The following TSHZ2 variants were observed in gnomAD, a reference collection of about 807,000 sequenced individuals.
The protein encoded by TSHZ2 is teashirt homolog 2.
Under a neutral mutation model 74.4 loss-of-function variants are expected in TSHZ2, and 21 were observed. That is an observed-to-expected ratio of 0.28 (90% CI 0.20 to 0.41). The LOEUF (loss-of-function observed/expected upper bound fraction) is 0.41, where lower values mean the gene tolerates loss of function less well. Among genes scored for constraint, TSHZ2 ranks in the 10% least tolerant of loss-of-function variants. The pLI is 1.00. For synonymous variants in TSHZ2, 540 were observed against 515.3 expected (o/e 1.05, Z -0.65); for missense variants, 1,244 against 1,293.5 (o/e 0.96, Z 0.59).
chr20:53,094,276 G>A (rs577249660), intron 1 of TSHZ2, among the ~76,000 whole-genome samples: 30 of 152,180 alleles, frequency 2.0e-4, no homozygotes, highest in Admixed American at 1.7e-3. Flanking sequence ...TGTTTGATAC[G>A]CTAGTTATGT....
intron 2 of TSHZ2, among the ~76,000 whole-genome samples, chr20:53,353,394 A>G (rs1980730714): frequency 6.6e-6 from 1 of 152,242 alleles, no homozygotes; most frequent in Non-Finnish European, 1.5e-5. Flanking sequence ...CATACATGTC[A>G]TAGAATTATT....
rs1201046549 is a variant in TSHZ2, at chr20:53,378,772, C to T, written c.*9-108372C>T. ...TTTAAAAAAAAACTGCCACATGGAA[C>T]CTGTTACCTTACAGATGTTGCTTAG... On this transcript the variant is annotated intron_variant, in intron 2 of 2. Coordinates refer to ENST00000371497, the MANE Select transcript of TSHZ2 (RefSeq NM_173485.6). 2.6e-5 allele frequency among the ~76,000 whole-genome samples: 4 copies of T among 152,048 alleles called. No homozygotes were observed. The East Asian group carries it at 7.7e-4, about 29-fold the overall frequency.
At chr20:53,237,290 A>G (rs755771396) in intron 1 of TSHZ2, among the ~76,000 whole-genome samples, 1 of 152,188 alleles carries the variant, frequency 6.6e-6, no homozygotes, top group Non-Finnish European at 1.5e-5. Context: ...ACTTAAACAG[A>G]ACAGTTTTTT....
At chr20:52,991,768 T>A (rs1477519962) in intron 1 of TSHZ2, among the ~76,000 whole-genome samples, 1 of 148,294 alleles carries the variant, frequency 6.7e-6, no homozygotes, top group Non-Finnish European at 1.5e-5. Context: ...TGATTTTGTG[T>A]GGATTATGTA....
chr20:53,403,844 G>C (rs1193692121), intron 2 of TSHZ2, among the ~76,000 whole-genome samples: 1 of 152,208 alleles, frequency 6.6e-6, no homozygotes, highest in African/African-American at 2.4e-5. Flanking sequence ...TTCTGGCACA[G>C]TTTGGCTTCT....
In TSHZ2 at chr20:53,253,965, C is replaced by T. The variant is rs757543597; in HGVS notation, c.507C>T (p.His169=). The T allele has an allele frequency of 6.2e-7, 1 of 1,614,164 alleles. No homozygotes were observed. Among genetic ancestry groups the T allele is most frequent in the Non-Finnish European group, 8.5e-7 (1 of 1,180,028 alleles). Residue 169 remains histidine, a synonymous_variant, in exon 2 of 3, where the codon CAC becomes CAT. Transcript: ENST00000371497. ...GCAACAAGAGTGATTTTGATTGGCA[C>T]CAAGACGCTCTGTCCAAAAGCCTGC... The part of the protein sequence containing the change: ...NGSNKSDFDW[H]QDALSKSLQQ...
At chr20:53,185,798 C>A in intron 1 of TSHZ2, 1 of 1,226,558 alleles carries the variant, frequency 8.2e-7, no homozygotes, top group Non-Finnish European at 1.1e-6. Flanking sequence ...TTAATAATCC[C>A]TTGCTTGTAT....
intron 1 of TSHZ2, among the ~76,000 whole-genome samples, chr20:53,251,031 C>T (rs572644547): frequency 5.9e-5 from 9 of 152,168 alleles, no homozygotes; most frequent in East Asian, 3.9e-4. Context: ...ATGTCAGGCA[C>T]GGTGCTAGGC....
At chr20:53,038,332 A>T (rs1460831181) in intron 1 of TSHZ2, among the ~76,000 whole-genome samples, 2 of 151,650 alleles carry the variant, frequency 1.3e-5, no homozygotes. Flanking sequence ...TTTGAGAAGC[A>T]GAAGCTTACT....
rs143724013 is a variant in TSHZ2 at position 53,469,045 on chromosome 20, TTATATATATATATATATATA to T, written c.*9-18079_*9-18060del. The stretch of plus-strand genomic sequence containing the variant: ...ACCTAAAGGCTCTGAAATCGATATT[TTATATATATATATATATATA>T]TATATATATATATATATATGTACAT... On this transcript the variant is annotated intron_variant, in intron 2 of 2. Coordinates refer to ENST00000371497, the MANE Select transcript of TSHZ2 (RefSeq NM_173485.6). Among the ~76,000 whole-genome samples the T allele has an allele frequency of 1.4e-3, 70 of 49,126 alleles. 2 individuals are homozygous for T. Among genetic ancestry groups the T allele is most frequent in the Middle Eastern group, 0.029 (2 of 68 alleles). 32.2% of individuals were successfully genotyped at this position (49,126 alleles called of 152,430 possible).
Position 53,173,652 on chromosome 20 carries a change from T to C in TSHZ2, c.41-79847T>C, listed in dbSNP as rs184247127. Among the ~76,000 whole-genome samples, 33 of 152,052 alleles carry C rather than the reference T, an allele frequency of 2.2e-4. No homozygotes were observed. In the East Asian group the frequency reaches 6.4e-3, roughly 29 times the overall value. On this transcript the variant is annotated intron_variant, in intron 1 of 2. Transcript: ENST00000371497. ...TAACAATAAAGCAGATCCATATGGA[T>C]CAAGCTTTTAGGTATATTGTTAAAT...
chr20:53,476,264 A>G (rs891589581), intron 2 of TSHZ2, among the ~76,000 whole-genome samples: 1 of 142,490 alleles, frequency 7.0e-6, no homozygotes, highest in Non-Finnish European at 1.5e-5. Flanking sequence ...TCCTCAATAA[A>G]ATACTGGCAA....
In TSHZ2 at chr20:53,255,178, A is replaced by G; in HGVS notation, c.1720A>G (p.Lys574Glu). ...GCAGATCCGGCCTAATCTCACCAACAAGCTGAGGCCCATTGCACCAAAGTG... is the reference window on the plus strand; with the variant it reads ...GCAGATCCGGCCTAATCTCACCAACGAGCTGAGGCCCATTGCACCAAAGTG... ...VLQIRPNLTNKLRPIAPKWKV... is the reference protein window; with the variant it reads ...VLQIRPNLTNELRPIAPKWKV... Residue 574 changes from lysine (K) to glutamate (E), a missense_variant, in exon 2 of 3, where the codon AAG becomes GAG. Coordinates refer to ENST00000371497, the MANE Select transcript of TSHZ2 (RefSeq NM_173485.6). The surrounding 1 kb of genome is among the most constrained non-coding windows in gnomAD (Gnocchi z 4.1). The G allele has an allele frequency of 6.2e-7, 1 of 1,614,124 alleles. No homozygotes were observed. The highest frequency in any genetic ancestry group is 8.5e-7 in the Non-Finnish European group (1 of 1,180,022).
chr20:53,360,875 G>C (rs146155328), intron 2 of TSHZ2, among the ~76,000 whole-genome samples: 27 of 152,156 alleles, frequency 1.8e-4, no homozygotes, highest in African/African-American at 6.3e-4. Context: ...TTGTGTTCAG[G>C]ATAATGCCAG....
At chr20:53,258,471 T>C (rs1990530849) in intron 2 of TSHZ2, among the ~76,000 whole-genome samples, 1 of 152,226 alleles carries the variant, frequency 6.6e-6, no homozygotes, top group Non-Finnish European at 1.5e-5. Context: ...GTAATATTTA[T>C]TTGTACTATA....
At chr20:53,480,234 A>G (rs1023418682) in intron 2 of TSHZ2, among the ~76,000 whole-genome samples, 3 of 151,606 alleles carry the variant, frequency 2.0e-5, no homozygotes, top group Admixed American at 2.0e-4. Context: ...ACCACCAGCT[A>G]ATTTTTGTAT....
At chr20:53,117,231 C>A (rs1986694702) in intron 1 of TSHZ2, among the ~76,000 whole-genome samples, 1 of 152,160 alleles carries the variant, frequency 6.6e-6, no homozygotes, top group African/African-American at 2.4e-5. Flanking sequence ...GTTCTTAACA[C>A]CTAGTAAGCT....
chr20:53,075,059 A>T (rs1450244827), intron 1 of TSHZ2, among the ~76,000 whole-genome samples: 1 of 152,228 alleles, frequency 6.6e-6, no homozygotes, highest in Non-Finnish European at 1.5e-5. Flanking sequence ...ATTGAATGTC[A>T]TCCAAAGCAT....
intron 1 of TSHZ2, among the ~76,000 whole-genome samples, chr20:53,203,610 A>G (rs1427342276): frequency 2.0e-5 from 3 of 152,130 alleles, no homozygotes; most frequent in African/African-American, 7.2e-5. Flanking sequence ...ATTCTCCAGC[A>G]TCCACACTGC....
Sources: allele counts gnomAD v4.1 joint callset (sites outside exome capture counted in the v4.1 genomes callset), GRCh38; gene constraint gnomAD v4.1.1; non-coding constraint Gnocchi (gnomAD v3.1); transcripts MANE v1.5; gene names NCBI Gene and HGNC (gene_info 2026-07-23, HGNC 2026-07-21).